Variants in LPCAT3 observed in about 807,000 individuals in gnomAD.
LPCAT3 encodes lysophosphatidylcholine acyltransferase 3.
A neutral mutation model predicts 63.4 loss-of-function variants in LPCAT3; 21 were observed. The observed-to-expected ratio is 0.33, with a 90% CI of 0.23 to 0.48. The LOEUF (loss-of-function observed/expected upper bound fraction) is 0.48. LPCAT3 is among the 20% of genes least tolerant of loss of function. The pLI is 0.99. For missense variants in LPCAT3, 451 were observed against 590.6 expected (o/e 0.76, Z 2.45); for synonymous variants, 242 against 227.5 (o/e 1.06, Z -0.58).
chr12:6,986,572 C>T (rs1276944636), intron 1 of LPCAT3, among the ~76,000 whole-genome samples: 2 of 151,836 alleles, frequency 1.3e-5, no homozygotes, highest in Non-Finnish European at 2.9e-5. Context: ...ATCACGAGGT[C>T]AGGAAATCGA....
intron 1 of LPCAT3, among the ~76,000 whole-genome samples, chr12:6,993,146 T>G (rs1443054003): frequency 6.6e-6 from 1 of 152,080 alleles, no homozygotes; most frequent in Admixed American, 6.6e-5. Context: ...TTTAGTATAT[T>G]CAAAAGGTTG....
chr12:7,000,587 CAAAAA>C (rs1238673937), intron 1 of LPCAT3, among the ~76,000 whole-genome samples: 1 of 45,434 alleles, frequency 2.2e-5, no homozygotes, highest in Admixed American at 2.2e-4. Flanking sequence ...GACTCAGTCT[CAAAAA>C]AAAAAAAAAA....
intron 1 of LPCAT3, among the ~76,000 whole-genome samples, chr12:6,999,926 T>TTTC (rs1201188309): frequency 6.7e-6 from 1 of 148,742 alleles, no homozygotes; most frequent in Non-Finnish European, 1.5e-5. Flanking sequence ...CTTTTTTTTT[T>TTTC]TTTTTTTTTT....
chr12:7,015,323 A>G (rs1406393935), intron 1 of LPCAT3, among the ~76,000 whole-genome samples: 1 of 152,224 alleles, frequency 6.6e-6, no homozygotes, highest in Non-Finnish European at 1.5e-5. Context: ...TGGAAAGTGA[A>G]CCAGAAATCA....
At chr12:7,013,481 T>C (rs1390864268) in intron 1 of LPCAT3, among the ~76,000 whole-genome samples, 1 of 152,126 alleles carries the variant, frequency 6.6e-6, no homozygotes, top group Non-Finnish European at 1.5e-5. Context: ...TGGTGACAGA[T>C]GGTTAGTGGC....
intron 1 of LPCAT3, among the ~76,000 whole-genome samples, chr12:7,009,003 C>A (rs1230830530): frequency 6.6e-6 from 1 of 152,180 alleles, no homozygotes; most frequent in South Asian, 2.1e-4. Context: ...TCCTATCTGT[C>A]AGGCCTACAA....
chr12:7,004,854 C>T (rs1946715558), intron 1 of LPCAT3, among the ~76,000 whole-genome samples: 2 of 152,222 alleles, frequency 1.3e-5, no homozygotes, highest in African/African-American at 2.4e-5. Context: ...GCTTGCCATT[C>T]AAGGCCCTTC....
chr12:7,018,353 C>T lies in LPCAT3; in HGVS notation c.72G>A (p.Gln24=). The change falls in exon 1 of 13, where the codon CAG becomes CAA. Residue 24 remains glutamine (Q), a synonymous_variant. Transcript: ENST00000261407. The surrounding 1 kb of genome is among the most constrained non-coding windows in gnomAD (Gnocchi z 4.9). ...ALAGVLQSGF[Q]ELSLNKLATS... ...TCGCCAACTTGTTAAGGCTCAGCTC[C>T]TGGAAACCCGACTGCAGAACCCCCG... The T allele has an allele frequency of 1.2e-6, 2 of 1,612,446 alleles. No individual in the cohort carries two copies. The highest frequency in any genetic ancestry group is 1.7e-6 in the Non-Finnish European group (2 of 1,179,448).
At chr12:7,015,753 G>A (rs1394471307) in intron 1 of LPCAT3, among the ~76,000 whole-genome samples, 2 of 152,170 alleles carry the variant, frequency 1.3e-5, no homozygotes, top group South Asian at 2.1e-4. Context: ...GGGCTCGGGA[G>A]TGTGGTAGAT....
chr12:6,990,447 T>C (rs1342642433), intron 1 of LPCAT3, among the ~76,000 whole-genome samples: 1 of 150,146 alleles, frequency 6.7e-6, no homozygotes, highest in Non-Finnish European at 1.5e-5. Flanking sequence ...AGGCAGAGCT[T>C]GCAGTGAGCC....
At position 6,982,711 on chromosome 12, in the gene LPCAT3, T is replaced by C. The variant is rs150951513; in HGVS notation, c.331A>G (p.Ile111Val). 111 of 1,614,006 alleles carry C rather than the reference T, an allele frequency of 6.9e-5. No homozygotes were observed. Among genetic ancestry groups the C allele is most frequent in the East Asian group, 6.7e-4 (30 of 44,882 alleles). The change falls in exon 3 of 13, where the codon ATC (isoleucine) becomes GTC (valine). Residue 111 changes from isoleucine to valine, a missense_variant. Around this residue, in one of 3 missense-constraint regions of LPCAT3, gnomAD observed 133 missense variants for 152.1 expected, o/e 0.87. Coordinates refer to ENST00000261407, the MANE Select transcript of LPCAT3 (RefSeq NM_005768.6). ...CAAAAGGTAGTGAGGACGGCAGTGA[T>C]GGTGCGGCCCATTAGTCGAAGGATG... The part of the protein sequence containing the change: ...FLILRLMGRT[I>V]TAVLTTFCFQ...
chr12:6,991,268 T>C (rs920206831), intron 1 of LPCAT3, among the ~76,000 whole-genome samples: 1 of 152,366 alleles, frequency 6.6e-6, no homozygotes, highest in Admixed American at 6.5e-5. Context: ...CATTTTCAGA[T>C]AATTTTGGAT....
At chr12:6,996,999 T>C (rs950516304) in intron 1 of LPCAT3, among the ~76,000 whole-genome samples, 2 of 145,080 alleles carry the variant, frequency 1.4e-5, no homozygotes, top group Admixed American at 6.7e-5. Context: ...GAGTCTGAAA[T>C]TGATAAATGG....
intron 4 of LPCAT3, 76 bp from the exon 5 acceptor site, chr12:6,981,708 CAGAA>C: frequency 1.1e-6 from 1 of 918,896 alleles, no homozygotes; most frequent in Non-Finnish European, 1.7e-6. Flanking sequence ...TGAGTGCAGC[CAGAA>C]GTGTATGGCG....
intron 1 of LPCAT3, among the ~76,000 whole-genome samples, chr12:6,994,968 G>A (rs1946624554): frequency 6.6e-6 from 1 of 152,054 alleles, no homozygotes. Flanking sequence ...TAATCTTTAT[G>A]CCAAAGACAG....
At chr12:6,989,656 A>T (rs1946568973) in intron 1 of LPCAT3, among the ~76,000 whole-genome samples, 4 of 152,136 alleles carry the variant, frequency 2.6e-5, no homozygotes, top group Admixed American at 2.6e-4. Flanking sequence ...AGCCCTCTTC[A>T]GGGGTTGTAG....
intron 1 of LPCAT3, among the ~76,000 whole-genome samples, chr12:6,991,243 C>A (rs991505055): frequency 3.9e-5 from 6 of 152,142 alleles, no homozygotes; most frequent in Non-Finnish European, 7.4e-5. Context: ...TTTACACAGA[C>A]AGAGAAAGTA....
Position 7,018,184 on chromosome 12 carries a change from G to A in LPCAT3, c.151+90C>T, listed in dbSNP as rs1946808016. ...GCACCCGGCACAGCCCTCCCGGGTG[G>A]CTCCGGGAAGAGAGGGAGGTCCTGT... On this transcript the variant is annotated intron_variant, in intron 1 of 12. Coordinates refer to ENST00000261407, the MANE Select transcript of LPCAT3 (RefSeq NM_005768.6). The surrounding 1 kb of genome is among the most constrained non-coding windows in gnomAD (Gnocchi z 4.9). 6.8e-7 allele frequency: 1 copy of A among 1,464,350 alleles called. No homozygotes were observed. The highest frequency in any genetic ancestry group is 1.4e-5 in the African/African-American group (1 of 71,460). 90.7% of individuals were successfully genotyped at this position (1,464,350 alleles called of 1,614,324 possible).
intron 1 of LPCAT3, among the ~76,000 whole-genome samples, chr12:7,000,373 G>A (rs1211717215): frequency 6.6e-6 from 1 of 151,052 alleles, no homozygotes; most frequent in African/African-American, 2.4e-5. Flanking sequence ...AGATCACGAG[G>A]TCAGGAGATC....
Sources: allele counts gnomAD v4.1 joint callset (sites outside exome capture counted in the v4.1 genomes callset), GRCh38; gene constraint gnomAD v4.1.1; regional missense constraint gnomAD v4.1.1; non-coding constraint Gnocchi (gnomAD v3.1); transcripts MANE v1.5; gene names NCBI Gene and HGNC (gene_info 2026-07-23, HGNC 2026-07-21).